CARMIL1: variants seen among roughly 807,000 people sequenced by gnomAD.
CARMIL1 encodes the protein F-actin-uncapping protein LRRC16A.
In CARMIL1, 90 loss-of-function variants were observed where a neutral mutation model predicts 177.1. The observed-to-expected ratio is 0.51, with a 90% CI of 0.43 to 0.61. The LOEUF is 0.61. CARMIL1 is among the 20% of genes least tolerant of loss of function. The pLI is 0.00. For missense variants in CARMIL1, 1,380 were observed against 1,667.0 expected (o/e 0.83, Z 3.00); for synonymous variants, 577 against 606.2 (o/e 0.95, Z 0.71).
chr6:25,404,328 A>G (rs1464723431), intron 2 of CARMIL1, among the ~76,000 whole-genome samples: 1 of 152,142 alleles, frequency 6.6e-6, no homozygotes, highest in Non-Finnish European at 1.5e-5. Flanking sequence ...CAGCATTCTC[A>G]ATGGAGGCAA....
intron 8 of CARMIL1, chr6:25,451,931 T>A (rs1267582255): frequency 1.7e-6 from 1 of 602,412 alleles, no homozygotes; most frequent in African/African-American, 1.9e-5. Context: ...TTTGGACAAC[T>A]GAAGTGTCAC....
rs981168893 is a variant in CARMIL1, at chr6:25,620,508, A to G, written c.*925A>G. 7 of 152,236 alleles carry G rather than the reference A, an allele frequency of 4.6e-5. No individual in the cohort carries two copies. Among genetic ancestry groups the G allele is most frequent in the African/African-American group, 1.7e-4 (7 of 41,462 alleles). 9.4% of individuals were successfully genotyped at this position (152,236 alleles called of 1,614,324 possible). ...TTTATTCATATGTATATTTATACCA[A>G]TAAAATGATTTTACAAGTGGAATTT... On this transcript the variant is annotated 3_prime_UTR_variant, in exon 37 of 37. Coordinates refer to ENST00000329474, the MANE Select transcript of CARMIL1 (RefSeq NM_017640.6).
intron 2 of CARMIL1, among the ~76,000 whole-genome samples, chr6:25,416,286 G>GT (rs1433115493): frequency 6.6e-6 from 1 of 152,100 alleles, no homozygotes; most frequent in Non-Finnish European, 1.5e-5. Flanking sequence ...TGAGGAATCT[G>GT]TTTTTTGGAA....
At chr6:25,422,209 T>C (rs1007685904) in intron 3 of CARMIL1, among the ~76,000 whole-genome samples, 1 of 152,204 alleles carries the variant, frequency 6.6e-6, no homozygotes, top group African/African-American at 2.4e-5. Flanking sequence ...GTCTGGTAGA[T>C]GCTTTCAGCC....
At chr6:25,575,134 A>G (rs1812466733) in intron 29 of CARMIL1, among the ~76,000 whole-genome samples, 1 of 152,206 alleles carries the variant, frequency 6.6e-6, no homozygotes, top group Admixed American at 6.5e-5. Context: ...CAGGTTCAGG[A>G]TTCATGCCCA....
At chr6:25,362,420 A>G (rs1228842783) in intron 2 of CARMIL1, among the ~76,000 whole-genome samples, 1 of 152,240 alleles carries the variant, frequency 6.6e-6, no homozygotes, top group Non-Finnish European at 1.5e-5. Flanking sequence ...CATGCCTGTA[A>G]TCCCAGTACT....
intron 12 of CARMIL1, among the ~76,000 whole-genome samples, chr6:25,483,830 C>T (rs1374275202): frequency 3.3e-5 from 5 of 151,962 alleles, no homozygotes; most frequent in Admixed American, 2.0e-4. Context: ...TGCAGTGGTA[C>T]GATCTTGGCT....
chr6:25,293,220 A>G (rs1001462097), intron 2 of CARMIL1, among the ~76,000 whole-genome samples: 7 of 150,036 alleles, frequency 4.7e-5, no homozygotes, highest in Non-Finnish European at 3.0e-5. Flanking sequence ...CACTTTCCCC[A>G]GCTCTTTGAG....
intron 2 of CARMIL1, among the ~76,000 whole-genome samples, chr6:25,302,720 G>A (rs139951632): frequency 0.013 from 2,037 of 152,318 alleles, 24 homozygotes; most frequent in Non-Finnish European, 0.019. Context: ...TAACAGCGAT[G>A]CTGGGAGGGA....
chr6:25,448,887 A>G (rs986603411), intron 5 of CARMIL1, among the ~76,000 whole-genome samples: 1 of 149,706 alleles, frequency 6.7e-6, no homozygotes, highest in Admixed American at 6.7e-5. Context: ...GTTAACATAT[A>G]TTGACATTAC....
At chr6:25,459,667 T>A (rs1799968196) in intron 8 of CARMIL1, among the ~76,000 whole-genome samples, 1 of 152,214 alleles carries the variant, frequency 6.6e-6, no homozygotes, top group African/African-American at 2.4e-5. Flanking sequence ...ATTAACTGTC[T>A]CATATCTCTT....
At chr6:25,490,835 C>T (rs953339952) in intron 13 of CARMIL1, among the ~76,000 whole-genome samples, 1 of 151,998 alleles carries the variant, frequency 6.6e-6, no homozygotes, top group African/African-American at 2.4e-5. Context: ...TTCTGAATTC[C>T]TTGATAGGAT....
At position 25,306,942 on chromosome 6, in the gene CARMIL1, G is replaced by A. The variant is rs189223098; in HGVS notation, c.138+22033G>A. Among the ~76,000 whole-genome samples, 4 of 143,648 alleles carry A rather than the reference G, an allele frequency of 2.8e-5. No homozygotes were observed. The Admixed American group carries it at 2.9e-4, about 10-fold the overall frequency. The allele number at this position is 143,648 out of a possible 152,430, so 94.2% of individuals were successfully genotyped here. On this transcript the variant is annotated intron_variant, in intron 2 of 36. Coordinates refer to ENST00000329474, the MANE Select transcript of CARMIL1 (RefSeq NM_017640.6). ...CGCCTGGGCTGGAATGCACTGGCAC[G>A]ATCTCGGCTCACTGCAACCTCTGCC...
intron 2 of CARMIL1, among the ~76,000 whole-genome samples, chr6:25,353,147 T>C (rs1468071074): frequency 6.6e-6 from 1 of 152,216 alleles, no homozygotes; most frequent in Non-Finnish European, 1.5e-5. Context: ...TCCTGATAGA[T>C]GACCCCTCTT....
chr6:25,607,793 G>T (rs1816119670), intron 35 of CARMIL1, among the ~76,000 whole-genome samples: 1 of 152,008 alleles, frequency 6.6e-6, no homozygotes, highest in Admixed American at 6.6e-5. Context: ...GGTCTTCATA[G>T]CCCATTGGTC....
intron 11 of CARMIL1, among the ~76,000 whole-genome samples, chr6:25,476,861 C>T (rs903213833): frequency 2.6e-5 from 4 of 151,950 alleles, no homozygotes; most frequent in African/African-American, 9.7e-5. Flanking sequence ...GAGGCTGAGG[C>T]TAGCGGATCA....
intron 2 of CARMIL1, among the ~76,000 whole-genome samples, chr6:25,399,229 G>T (rs1046760521): frequency 6.6e-6 from 1 of 152,216 alleles, no homozygotes; most frequent in African/African-American, 2.4e-5. Context: ...AATACAGATG[G>T]TAGGGGCTGC....
chr6:25,553,231 G>A (rs3804132), intron 27 of CARMIL1, among the ~76,000 whole-genome samples: 2 of 152,118 alleles, frequency 1.3e-5, no homozygotes, highest in African/African-American at 4.8e-5. Context: ...ACCTTTAAAT[G>A]TATTGTGCTT....
intron 2 of CARMIL1, among the ~76,000 whole-genome samples, chr6:25,395,169 A>T (rs1793261462): frequency 6.6e-6 from 1 of 152,194 alleles, no homozygotes. Flanking sequence ...GCATGGACAT[A>T]TTTCTGTGCG....
Sources: gnomAD v4.1 joint callset for allele counts (sites outside exome capture counted in the v4.1 genomes callset) on GRCh38, gnomAD v4.1.1 for gene constraint, MANE v1.5 for transcripts, NCBI Gene and HGNC (gene_info 2026-07-23, HGNC 2026-07-21) for gene names.